SEMA3A: variants seen among roughly 807,000 people sequenced by gnomAD.
SEMA3A encodes semaphorin 3A, also known as semaphorin-3A.
Under a neutral mutation model 97.9 loss-of-function variants are expected in SEMA3A, and 29 were observed. The observed-to-expected ratio is 0.30, with a 90% confidence interval of 0.22 to 0.40. SEMA3A has a LOEUF of 0.40. Among genes scored for constraint, SEMA3A ranks in the 10% least tolerant of loss-of-function variants. The pLI is 1.00. For synonymous variants in SEMA3A, 321 were observed against 323.7 expected (o/e 0.99, Z 0.09); for missense variants, 763 against 951.3 (o/e 0.80, Z 2.60).
chr7:84,429,619 T>C (rs1190179540), intron 1 of SEMA3A, among the ~76,000 whole-genome samples: 1 of 145,434 alleles, frequency 6.9e-6, no homozygotes, highest in Non-Finnish European at 1.5e-5. Flanking sequence ...ATCATTCCAC[T>C]TTTTCCTGCC....
At chr7:84,487,114 C>T (rs953597152) in intron 1 of SEMA3A, among the ~76,000 whole-genome samples, 1 of 151,826 alleles carries the variant, frequency 6.6e-6, no homozygotes, top group African/African-American at 2.4e-5. Flanking sequence ...AAATTTATAC[C>T]CATGCTTAAA....
intron 1 of SEMA3A, among the ~76,000 whole-genome samples, chr7:84,439,546 T>C (rs1376278338): frequency 6.6e-6 from 1 of 152,186 alleles, no homozygotes; most frequent in African/African-American, 2.4e-5. Context: ...AATTTCTGGA[T>C]TATGTCTGAT....
intron 4 of SEMA3A, among the ~76,000 whole-genome samples, chr7:84,086,604 A>ATATAATATATTATT (rs1382445049): frequency 1.3e-4 from 18 of 141,450 alleles, no homozygotes; most frequent in African/African-American, 2.9e-4. Flanking sequence ...TTATATTTAT[A>ATATAATATATTATT]ATCCTCACAA....
At chr7:84,086,557 ATTATTATATTATATTTACAT>A (rs746013824) in intron 4 of SEMA3A, among the ~76,000 whole-genome samples, 51,345 of 128,376 alleles carry the variant, frequency 0.4, 11,380 homozygotes, top group Admixed American at 0.51. Context: ...CATATAATAT[ATTATTATATTATATTTACAT>A]ATAATATATT....
At chr7:84,453,317 G>C (rs1183904112) in intron 1 of SEMA3A, among the ~76,000 whole-genome samples, 1 of 151,052 alleles carries the variant, frequency 6.6e-6, no homozygotes, top group African/African-American at 2.4e-5. Flanking sequence ...CTCACTGCAG[G>C]CTCCGCCCCC....
At chr7:84,433,509 C>CTA (rs1805043426) in intron 1 of SEMA3A, among the ~76,000 whole-genome samples, 1 of 152,062 alleles carries the variant, frequency 6.6e-6, no homozygotes, top group Admixed American at 6.6e-5. Flanking sequence ...CAAGTCTTTG[C>CTA]TATTGTGAAC....
chr7:84,029,808 T>TACACACACAC (rs1282430932), intron 6 of SEMA3A, among the ~76,000 whole-genome samples: 1 of 141,222 alleles, frequency 7.1e-6, no homozygotes, highest in African/African-American at 3.1e-5. Context: ...ATCCCTTCCA[T>TACACACACAC]ATACACACAC....
chr7:84,442,822 G>C (rs1398210863), intron 1 of SEMA3A, among the ~76,000 whole-genome samples: 1 of 152,026 alleles, frequency 6.6e-6, no homozygotes, highest in Non-Finnish European at 1.5e-5. Context: ...GCAGTAGTTG[G>C]ATTTAATAAT....
intron 5 of SEMA3A, among the ~76,000 whole-genome samples, chr7:84,054,851 T>C (rs1218992855): frequency 3.3e-5 from 5 of 150,130 alleles, no homozygotes; most frequent in East Asian, 3.9e-4. Flanking sequence ...ACTTTTGGTC[T>C]TTGATGATGG....
At chr7:84,357,451 C>G (rs1802593019) in intron 2 of SEMA3A, among the ~76,000 whole-genome samples, 1 of 152,078 alleles carries the variant, frequency 6.6e-6, no homozygotes, top group African/African-American at 2.4e-5. Context: ...CATGTCCCTA[C>G]AAAGGACATG....
At chr7:84,107,225 TCAC>T (rs958855585) in intron 4 of SEMA3A, among the ~76,000 whole-genome samples, 1 of 152,180 alleles carries the variant, frequency 6.6e-6, no homozygotes, top group African/African-American at 2.4e-5. Context: ...TTTTTCAACT[TCAC>T]CAACAGCATA....
chr7:84,181,536 A>G (rs1039277120), intron 1 of SEMA3A, among the ~76,000 whole-genome samples: 2 of 152,112 alleles, frequency 1.3e-5, no homozygotes, highest in African/African-American at 2.4e-5. Flanking sequence ...TTTAACAATT[A>G]CTTAAGGAAA....
In SEMA3A at chr7:84,011,131, G is replaced by T. The variant is rs202200297; in HGVS notation, c.926-40C>A. ...AATTGGAGAAAGTTGCTTTTTTATG[G>T]AATGGCAAAGTCTGAACAAATATTC... On this transcript the variant is annotated intron_variant, in intron 8 of 16. Transcript: ENST00000265362. 3.1e-6 allele frequency: 5 copies of T among 1,601,772 alleles called. No individual in the cohort carries two copies. The African/African-American group carries it at 6.7e-5, about 21-fold the overall frequency.
At chr7:84,165,036 C>T (rs1407022258) in intron 1 of SEMA3A, among the ~76,000 whole-genome samples, 1 of 151,914 alleles carries the variant, frequency 6.6e-6, no homozygotes, top group Non-Finnish European at 1.5e-5. Context: ...GGCGAAACCC[C>T]GTCACTACAA....
chr7:84,283,611 C>A (rs1042213228), intron 3 of SEMA3A, among the ~76,000 whole-genome samples: 2 of 150,790 alleles, frequency 1.3e-5, no homozygotes, highest in South Asian at 2.1e-4. Context: ...ATAATAGAAA[C>A]AAAGTATCAA....
intron 1 of SEMA3A, among the ~76,000 whole-genome samples, chr7:84,404,933 C>A (rs994504164): frequency 6.6e-6 from 1 of 152,094 alleles, no homozygotes; most frequent in East Asian, 1.9e-4. Flanking sequence ...CCAGCCACTG[C>A]AAAAACATGC....
intron 1 of SEMA3A, among the ~76,000 whole-genome samples, chr7:84,457,274 T>C (rs1805709308): frequency 6.6e-6 from 1 of 151,818 alleles, no homozygotes; most frequent in Non-Finnish European, 1.5e-5. Context: ...ACATTCTATA[T>C]TTCATCACTA....
chr7:84,146,098 C>T (rs540337346), intron 1 of SEMA3A, among the ~76,000 whole-genome samples: 37 of 152,284 alleles, frequency 2.4e-4, no homozygotes, highest in African/African-American at 8.2e-4. Flanking sequence ...ATCTATCCTT[C>T]GATGGATGCC....
intron 3 of SEMA3A, among the ~76,000 whole-genome samples, chr7:84,305,289 C>T (rs2115841569): frequency 6.6e-6 from 1 of 150,784 alleles, no homozygotes. Context: ...TCTGATAGTC[C>T]CCAATTTGAG....
Sources: gnomAD v4.1 joint callset for allele counts (sites outside exome capture counted in the v4.1 genomes callset) on GRCh38, gnomAD v4.1.1 for gene constraint, MANE v1.5 for transcripts, NCBI Gene and HGNC (gene_info 2026-07-23, HGNC 2026-07-21) for gene names.